IMMP2L: variants seen among roughly 807,000 people sequenced by gnomAD.
The protein encoded by IMMP2L is mitochondrial inner membrane protease subunit 2.
Under a neutral mutation model 19.3 loss-of-function variants are expected in IMMP2L, and 18 were observed. That is an observed-to-expected ratio of 0.93 (90% CI 0.64 to 1.38). IMMP2L has a LOEUF of 1.38. IMMP2L is among the 40% of genes most tolerant of loss of function. IMMP2L has a pLI of 0.00. For missense variants in IMMP2L, 233 were observed against 218.2 expected (o/e 1.07, Z -0.43); for synonymous variants, 76 against 73.0 (o/e 1.04, Z -0.21).
At chr7:110,819,884 T>C (rs1802870799) in intron 5 of IMMP2L, among the ~76,000 whole-genome samples, 1 of 152,122 alleles carries the variant, frequency 6.6e-6, no homozygotes, top group South Asian at 2.1e-4. Flanking sequence ...TTTTATAAAC[T>C]GACTATACCT....
intron 2 of IMMP2L, among the ~76,000 whole-genome samples, chr7:111,503,199 G>A (rs143522139): frequency 0.085 from 12,991 of 152,098 alleles, 742 homozygotes; most frequent in Middle Eastern, 0.17. Flanking sequence ...ACACCTCTAC[G>A]CAAATAACTA....
At chr7:111,177,222 G>C (rs184659318) in intron 3 of IMMP2L, among the ~76,000 whole-genome samples, 1 of 151,722 alleles carries the variant, frequency 6.6e-6, no homozygotes, top group Non-Finnish European at 1.5e-5. Context: ...CTCTGTCATC[G>C]AGGCTAGAGT....
At chr7:111,372,777 A>C (rs1193633474) in intron 3 of IMMP2L, among the ~76,000 whole-genome samples, 1 of 152,082 alleles carries the variant, frequency 6.6e-6, no homozygotes, top group Non-Finnish European at 1.5e-5. Context: ...ATGATAAGAA[A>C]CACTAGTTTT....
rs73196819 is a variant in IMMP2L, at chr7:110,859,481, G to T, written c.408+27112C>A. The stretch of plus-strand genomic sequence containing the variant: ...GTATGGGCTGTGTGTGGTGGCTCAC[G>T]ACTGTAATCCCAGATTTTTGGGAGG... On this transcript the variant is annotated intron_variant, in intron 5 of 5. Transcript: ENST00000405709. 2.1e-3 allele frequency among the ~76,000 whole-genome samples: 326 copies of T among 151,858 alleles called. 2 individuals are homozygous for T. The highest frequency in any genetic ancestry group is 3.3e-3 in the Non-Finnish European group (227 of 67,946).
intron 3 of IMMP2L, among the ~76,000 whole-genome samples, chr7:111,481,299 T>C (rs2132208132): frequency 6.6e-6 from 1 of 152,292 alleles, no homozygotes; most frequent in Middle Eastern, 3.4e-3. Flanking sequence ...TGAGAATCAA[T>C]GTTATTCAAC....
intron 3 of IMMP2L, among the ~76,000 whole-genome samples, chr7:111,251,996 GAAAA>G (rs1418542383): frequency 6.6e-6 from 1 of 151,338 alleles, no homozygotes; most frequent in Admixed American, 6.6e-5. Context: ...ACTCTCTCCT[GAAAA>G]AAAATTCTCA....
chr7:111,397,044 C>T (rs926347303), intron 3 of IMMP2L, among the ~76,000 whole-genome samples: 10 of 151,618 alleles, frequency 6.6e-5, no homozygotes, highest in East Asian at 3.9e-4. Context: ...GCTGAGATCG[C>T]GCCACTGCAC....
At chr7:111,305,710 C>T (rs1209735958) in intron 3 of IMMP2L, among the ~76,000 whole-genome samples, 1 of 152,116 alleles carries the variant, frequency 6.6e-6, no homozygotes, top group East Asian at 1.9e-4. Context: ...CCTGGAAAGG[C>T]TAATAAACTT....
intron 5 of IMMP2L, among the ~76,000 whole-genome samples, chr7:110,883,483 T>G (rs1464009971): frequency 6.6e-6 from 1 of 152,128 alleles, no homozygotes; most frequent in African/African-American, 2.4e-5. Flanking sequence ...TAAAAAGAAC[T>G]CATATTCAGT....
At chr7:110,978,578 T>G (rs1820934645) in intron 3 of IMMP2L, among the ~76,000 whole-genome samples, 1 of 152,040 alleles carries the variant, frequency 6.6e-6, no homozygotes, top group Admixed American at 6.5e-5. Flanking sequence ...GGTGACATTC[T>G]AAAATTATTT....
chr7:111,555,521 T>C (rs1426712591), intron 1 of IMMP2L, among the ~76,000 whole-genome samples: 1 of 152,080 alleles, frequency 6.6e-6, no homozygotes, highest in African/African-American at 2.4e-5. Context: ...TCCCTTTCTA[T>C]GGTGTTTCTA....
At chr7:111,115,008 T>G (rs1799706272) in intron 3 of IMMP2L, among the ~76,000 whole-genome samples, 1 of 152,066 alleles carries the variant, frequency 6.6e-6, no homozygotes, top group South Asian at 2.1e-4. Context: ...AAGCAAATTT[T>G]CCATCACTAT....
At chr7:111,370,530 T>C (rs1830172165) in intron 3 of IMMP2L, among the ~76,000 whole-genome samples, 1 of 152,014 alleles carries the variant, frequency 6.6e-6, no homozygotes. Flanking sequence ...CAAACGTAAC[T>C]TCCCTGTGCA....
intron 3 of IMMP2L, among the ~76,000 whole-genome samples, chr7:111,397,709 C>T (rs564498177): frequency 1.1e-4 from 17 of 152,146 alleles, no homozygotes; most frequent in Non-Finnish European, 2.1e-4. Flanking sequence ...CTGTTCATGA[C>T]CTTTGCCTAT....
At position 110,833,575 on chromosome 7, in the gene IMMP2L, T is replaced by G. The variant is rs142153005; in HGVS notation, c.408+53018A>C. On this transcript the variant is annotated intron_variant, in intron 5 of 5. Transcript: ENST00000405709. ...TTTAGAGACTTCATAGTACATTCAC[T>G]GAGGCAAAACAATAAATTTAATCTT... Among the ~76,000 whole-genome samples, 271 of 152,278 alleles carry G rather than the reference T, an allele frequency of 1.8e-3. 1 individual carries two copies. The highest frequency in any genetic ancestry group is 5.8e-3 in the African/African-American group (243 of 41,568).
intron 3 of IMMP2L, among the ~76,000 whole-genome samples, chr7:111,020,413 T>A (rs1053071180): frequency 7.2e-5 from 11 of 151,956 alleles, no homozygotes; most frequent in African/African-American, 2.4e-4. Flanking sequence ...AAAACCAAGA[T>A]GCAAATTCCT....
intron 4 of IMMP2L, among the ~76,000 whole-genome samples, chr7:110,896,627 ATT>A (rs1323693880): frequency 2.9e-4 from 8 of 27,556 alleles, no homozygotes; most frequent in Admixed American, 6.1e-4. Context: ...AAAATTTTTA[ATT>A]TCAAAATACT....
chr7:111,313,499 A>G (rs1823729148), intron 3 of IMMP2L, among the ~76,000 whole-genome samples: 1 of 152,186 alleles, frequency 6.6e-6, no homozygotes, highest in Admixed American at 6.5e-5. Context: ...TAAATTAAAT[A>G]TATGTTTTAT....
Position 111,123,924 on chromosome 7 carries a change from C to G in IMMP2L, c.240-160359G>C. ...TCCGTTGGATGAACATGAACAAAAC[C>G]AACATTCGATTCATGGAGCCAGATT... On this transcript the variant is annotated intron_variant, in intron 3 of 5. Coordinates refer to ENST00000405709, the MANE Select transcript of IMMP2L (RefSeq NM_032549.4). The surrounding 1 kb of genome is among the most constrained non-coding windows in gnomAD (Gnocchi z 6.4). 6.2e-7 allele frequency: 1 copy of G among 1,613,948 alleles called. No individual in the cohort carries two copies. Among genetic ancestry groups the G allele is most frequent in the South Asian group, 1.1e-5 (1 of 91,080 alleles).
Sources: gnomAD v4.1 joint callset for allele counts (sites outside exome capture counted in the v4.1 genomes callset) on GRCh38, gnomAD v4.1.1 for gene constraint, Gnocchi (gnomAD v3.1) non-coding constraint, MANE v1.5 for transcripts, NCBI Gene and HGNC (gene_info 2026-07-23, HGNC 2026-07-21) for gene names.